VPS13D: variants seen among roughly 807,000 people sequenced by gnomAD.
VPS13D encodes vacuolar protein sorting 13 homolog D, also known as intermembrane lipid transfer protein VPS13D.
A neutral mutation model predicts 461.9 loss-of-function variants in VPS13D; 187 were observed. The observed-to-expected ratio is 0.40, with a 90% CI of 0.36 to 0.46. The LOEUF is 0.46. Among genes scored for constraint, VPS13D ranks in the 20% least tolerant of loss-of-function variants. VPS13D has a pLI of 0.60. For synonymous variants in VPS13D, 1,951 were observed against 1,986.3 expected (o/e 0.98, Z 0.47); for missense variants, 4,711 against 5,364.9 (o/e 0.88, Z 3.81).
intron 24 of VPS13D, among the ~76,000 whole-genome samples, chr1:12,298,006 G>GTA (rs1035197679): frequency 3.3e-5 from 5 of 152,086 alleles, no homozygotes; most frequent in Admixed American, 2.0e-4. Context: ...CAGGATGCCT[G>GTA]TATATATATA....
intron 27 of VPS13D, among the ~76,000 whole-genome samples, chr1:12,309,325 C>G (rs1376014568): frequency 6.6e-6 from 1 of 151,404 alleles, no homozygotes; most frequent in Non-Finnish European, 1.5e-5. Context: ...ATTCTCCTTC[C>G]TCAGCCTCCC....
intron 65 of VPS13D, among the ~76,000 whole-genome samples, chr1:12,427,242 TTTATTATTATTATTATTATTA>T (rs55913483): frequency 7.8e-6 from 1 of 128,768 alleles, no homozygotes; most frequent in East Asian, 2.0e-4. Context: ...TTGTCATTAT[TTTATTATTATTATTATTATTA>T]TTATTATTAT....
At chr1:12,248,135 T>C (rs1322120484) in intron 5 of VPS13D, among the ~76,000 whole-genome samples, 6 of 152,172 alleles carry the variant, frequency 3.9e-5, no homozygotes, top group African/African-American at 1.4e-4. Context: ...GTGATCCGAC[T>C]GCCTCGGCCT....
Position 12,403,873 on chromosome 1 carries a change from G to T in VPS13D, c.11930G>T (p.Gly3977Val). 1 of 1,612,380 alleles carries T rather than the reference G, an allele frequency of 6.2e-7. No individual in the cohort carries two copies. The highest frequency in any genetic ancestry group is 8.5e-7 in the Non-Finnish European group (1 of 1,179,526). ...CTCCATGAAAAGACAGCTGAGCAAG[G>T]TGGAACACCAATTCGATACTACTTT... Reference protein sequence around the residue: ...ENLHEKTAEQGGTPIRYYFEN... With the variant: ...ENLHEKTAEQVGTPIRYYFEN... The change falls in exon 63 of 70, where the codon GGT becomes GTT. Residue 3977 changes from glycine (G) to valine (V), a missense_variant. This residue lies in a region of VPS13D where 4,411 missense variants were observed against 4,937.8 expected (regional missense o/e 0.89). Coordinates refer to ENST00000620676, the MANE Select transcript of VPS13D (RefSeq NM_015378.4).
chr1:12,510,565 G>GCA lies in VPS13D; in HGVS notation c.*1542_*1543insAC, dbSNP rs1557488057. 5 of 153,488 alleles carry GCA rather than the reference G, an allele frequency of 3.3e-5. No individual in the cohort carries two copies. The highest frequency in any genetic ancestry group is 1.2e-4 in the African/African-American group (5 of 41,422). The allele number at this position is 153,488 out of a possible 1,614,324, so 9.5% of individuals were successfully genotyped here. A position where few individuals can be genotyped will look rare whatever the true frequency, so the allele number is the denominator to read the frequency against. On this transcript the variant is annotated 3_prime_UTR_variant, in exon 70 of 70. Coordinates refer to ENST00000620676, the MANE Select transcript of VPS13D (RefSeq NM_015378.4). The stretch of plus-strand genomic sequence containing the variant: ...TGTGTGTGTGTGTGTGCGCGCGCGC[G>GCA]CGTGCATGCAGAGAGGAAGGAAGGG...
intron 24 of VPS13D, 79 bp downstream of exon 24, chr1:12,293,783 G>A: frequency 7.1e-7 from 1 of 1,412,182 alleles, no homozygotes; most frequent in Non-Finnish European, 9.5e-7. Flanking sequence ...AGATGAATCT[G>A]GAAGAGTAAA....
Position 12,358,612 on chromosome 1 carries a change from T to C in VPS13D, c.10141+11T>C. On this transcript the variant is annotated intron_variant, in intron 50 of 69. Coordinates refer to ENST00000620676, the MANE Select transcript of VPS13D (RefSeq NM_015378.4). ...TGATCTATAACATTGGTGGGTTACA[T>C]TTGGGGCAGCGGGACAATCAGAACC... is the stretch of plus-strand genomic sequence containing the variant. The C allele has an allele frequency of 6.2e-7, 1 of 1,613,496 alleles. No individual in the cohort carries two copies. The highest frequency in any genetic ancestry group is 8.5e-7 in the Non-Finnish European group (1 of 1,179,686).
chr1:12,299,393 T>G lies in VPS13D; in HGVS notation c.6216+9T>G. ...TTTCCCTACAAGATAAGGTGAGCAATCAGTATCCATTTCCTTTTCCGTTCA... is the reference window on the plus strand; with the variant it reads ...TTTCCCTACAAGATAAGGTGAGCAAGCAGTATCCATTTCCTTTTCCGTTCA... On this transcript the variant is annotated intron_variant, in intron 25 of 69. Coordinates refer to ENST00000620676, the MANE Select transcript of VPS13D (RefSeq NM_015378.4). This position sits in a 1 kb window ranked among gnomAD's most constrained non-coding sequence, Gnocchi z 4.2. The G allele has an allele frequency of 6.3e-7, 1 of 1,598,982 alleles. No homozygotes were observed. The highest frequency in any genetic ancestry group is 1.1e-5 in the South Asian group (1 of 88,342).
At position 12,263,294 on chromosome 1, in the gene VPS13D, G is replaced by A. The variant is rs549767948; in HGVS notation, c.1594+1214G>A. On this transcript the variant is annotated intron_variant, in intron 13 of 69. Coordinates refer to ENST00000620676, the MANE Select transcript of VPS13D (RefSeq NM_015378.4). ...TGGCGCCAAATAGAAGACCATGGGAGGGATGCTTGTTCACAGTGTGAGAGC... is the reference window on the plus strand; with the variant it reads ...TGGCGCCAAATAGAAGACCATGGGAAGGATGCTTGTTCACAGTGTGAGAGC... Among the ~76,000 whole-genome samples the A allele has an allele frequency of 3.9e-4, 59 of 152,280 alleles. 2 individuals carry two copies. In the South Asian group the frequency reaches 0.012, roughly 30 times the overall value.
At chr1:12,268,950 C>T (rs902268253) in intron 16 of VPS13D, 74 bp downstream of exon 16, 1 of 1,525,168 alleles carries the variant, frequency 6.6e-7, no homozygotes, top group Non-Finnish European at 8.8e-7. Flanking sequence ...GTGTTCTGGA[C>T]AAGGGTTATT....
At position 12,308,487 on chromosome 1, in the gene VPS13D, T is replaced by C. The variant is rs1296225657; in HGVS notation, c.6496T>C (p.Phe2166Leu). 6.2e-7 allele frequency: 1 copy of C among 1,614,152 alleles called. No individual in the cohort carries two copies. Among genetic ancestry groups the C allele is most frequent in the East Asian group, 2.2e-5 (1 of 44,886 alleles). The change falls in exon 27 of 70, where the codon TTT (phenylalanine) becomes CTT (leucine). Residue 2166 changes from phenylalanine to leucine, a missense_variant. Phe to Leu is a conservative substitution (Grantham distance 22). Around this residue, in one of 3 missense-constraint regions of VPS13D, gnomAD observed 4,411 missense variants for 4,937.8 expected, o/e 0.89. Transcript: ENST00000620676. ...VVVDLQDMDI[F>L]AAERHPREYS... ...CGTGGATCTCCAGGACATGGACATCTTTGCTGCAGAGAGACATCCGAGAGA... is the reference window on the plus strand; with the variant it reads ...CGTGGATCTCCAGGACATGGACATCCTTGCTGCAGAGAGACATCCGAGAGA...
rs1646094159 is a variant in VPS13D at position 12,505,543 on chromosome 1, A to C, written c.12795-1310A>C. On this transcript the variant is annotated intron_variant, in intron 68 of 69. Transcript: ENST00000620676. This position sits in a 1 kb window ranked among gnomAD's most constrained non-coding sequence, Gnocchi z 4.2. ...CAAGGCAGTCACTTACTGAGCGCTG[A>C]TGGGGTGGCCAACTCTGTGGGGTGC... is the stretch of plus-strand genomic sequence containing the variant. 6.6e-6 allele frequency among the ~76,000 whole-genome samples: 1 copy of C among 152,164 alleles called. No homozygotes were observed. The highest frequency in any genetic ancestry group is 2.1e-4 in the South Asian group (1 of 4,824).
rs953279014 is a variant in VPS13D at position 12,455,511 on chromosome 1, G to A, written c.12334-487G>A. Among the ~76,000 whole-genome samples, 5 of 152,210 alleles carry A rather than the reference G, an allele frequency of 3.3e-5. 1 individual carries two copies. The highest frequency in any genetic ancestry group is 1.3e-4 in the Admixed American group (2 of 15,286). ...TTTAGTAGTTGCTTTGCAAAGCCTAGTGTCCTCCATTGTATGCATCCCCCA... is the reference window on the plus strand; with the variant it reads ...TTTAGTAGTTGCTTTGCAAAGCCTAATGTCCTCCATTGTATGCATCCCCCA... On this transcript the variant is annotated intron_variant, in intron 65 of 69. Transcript: ENST00000620676.
intron 67 of VPS13D, among the ~76,000 whole-genome samples, chr1:12,462,015 C>T (rs919362059): frequency 1.3e-5 from 2 of 152,080 alleles, no homozygotes; most frequent in African/African-American, 4.8e-5. Context: ...TTCTGTCAGC[C>T]AGTACATAGC....
At position 12,459,625 on chromosome 1, in the gene VPS13D, C is replaced by T. The variant is rs1342629670; in HGVS notation, c.12467-576C>T. Among the ~76,000 whole-genome samples the T allele has an allele frequency of 5.3e-5, 8 of 151,948 alleles. No individual in the cohort carries two copies. The East Asian group carries it at 5.8e-4, about 11-fold the overall frequency. ...TCCCGAGTAGCTGGGACTACAGGCA[C>T]GCATCACCACGCCCAGCTAATTTTT... On this transcript the variant is annotated intron_variant, in intron 66 of 69. Transcript: ENST00000620676.
chr1:12,341,627 G>T (rs562364892), intron 40 of VPS13D, among the ~76,000 whole-genome samples, 153 bp from the exon 41 acceptor site: 2 of 152,170 alleles, frequency 1.3e-5, no homozygotes, highest in Non-Finnish European at 2.9e-5. Context: ...CAGCAAATAC[G>T]TGGAGCTTCC....
chr1:12,327,817 G>A lies in VPS13D; in HGVS notation c.8160G>A (p.Met2720Ile). The A allele has an allele frequency of 1.2e-6, 2 of 1,614,082 alleles. No homozygotes were observed. The highest frequency in any genetic ancestry group is 1.7e-6 in the Non-Finnish European group (2 of 1,180,020). Residue 2720 changes from methionine to isoleucine, a missense_variant, in exon 36 of 70, where the codon ATG becomes ATA. Met to Ile is a conservative substitution (Grantham distance 10). Coordinates refer to ENST00000620676, the MANE Select transcript of VPS13D (RefSeq NM_015378.4). ...SVCICFIDDCMDCDVPLAELT... is the reference protein window; with the variant it reads ...SVCICFIDDCIDCDVPLAELT... ...GCATCTGTTTCATCGATGACTGCATGGATTGTGATGTTCCTCTCGCTGAAC... is the reference window on the plus strand; with the variant it reads ...GCATCTGTTTCATCGATGACTGCATAGATTGTGATGTTCCTCTCGCTGAAC...
intron 60 of VPS13D, among the ~76,000 whole-genome samples, chr1:12,396,465 CTGTT>C (rs1287978369): frequency 1.3e-5 from 2 of 152,150 alleles, no homozygotes; most frequent in Non-Finnish European, 2.9e-5. Context: ...CAACTTCTAT[CTGTT>C]TGTAACATCA....
chr1:12,417,658 A>G (rs1371737210), intron 65 of VPS13D, among the ~76,000 whole-genome samples: 1 of 152,230 alleles, frequency 6.6e-6, no homozygotes, highest in Non-Finnish European at 1.5e-5. Flanking sequence ...AGCTTTACCA[A>G]AGAGATCTTT....
Sources: gnomAD v4.1 joint callset for allele counts (sites outside exome capture counted in the v4.1 genomes callset) on GRCh38, gnomAD v4.1.1 for gene constraint, gnomAD v4.1.1 regional missense constraint, Gnocchi (gnomAD v3.1) non-coding constraint, MANE v1.5 for transcripts, NCBI Gene and HGNC (gene_info 2026-07-23, HGNC 2026-07-21) for gene names.